CCDC171: variants seen among roughly 807,000 people sequenced by gnomAD.
The protein encoded by CCDC171 is coiled-coil domain containing 171, also known as coiled-coil domain-containing protein 171.
Under a neutral mutation model 168.2 loss-of-function variants are expected in CCDC171, and 177 were observed. That is an observed-to-expected ratio of 1.05 (90% CI 0.93 to 1.19). The LOEUF (loss-of-function observed/expected upper bound fraction) is 1.19. Ranked by LOEUF, CCDC171 falls within the 50% of genes most tolerant of loss-of-function variation. The pLI is 0.00. For synonymous variants in CCDC171, 687 were observed against 540.8 expected (o/e 1.27, Z -3.75); for missense variants, 1,991 against 1,539.0 (o/e 1.29, Z -4.91).
At chr9:15,999,338 G>A (rs1219964197) in intron 3 of CCDC171, among the ~76,000 whole-genome samples, 1 of 145,790 alleles carries the variant, frequency 6.9e-6, no homozygotes, top group Non-Finnish European at 1.5e-5. Flanking sequence ...AAGGAGGGAG[G>A]AAGGAAGGAA....
chr9:15,916,666 C>G (rs1369369167), intron 24 of CCDC171, among the ~76,000 whole-genome samples: 1 of 151,922 alleles, frequency 6.6e-6, no homozygotes, highest in African/African-American at 2.4e-5. Context: ...TATAAATGGT[C>G]TTCTAGTCTT....
At chr9:15,584,038 C>T (rs2041357867) in intron 4 of CCDC171, among the ~76,000 whole-genome samples, 1 of 151,788 alleles carries the variant, frequency 6.6e-6, no homozygotes, top group Non-Finnish European at 1.5e-5. Flanking sequence ...GGCTAATTTT[C>T]TTGTATTTTT....
the CCDC171 span, among the ~76,000 whole-genome samples, chr9:16,102,062 G>T: frequency 1.3e-5 from 2 of 152,202 alleles, no homozygotes; most frequent in African/African-American, 4.8e-5. Flanking sequence ...ATTAAATCTG[G>T]CAGCCCTCCC....
At chr9:15,602,092 G>C (rs2042901113) in intron 6 of CCDC171, among the ~76,000 whole-genome samples, 1 of 152,082 alleles carries the variant, frequency 6.6e-6, no homozygotes, top group South Asian at 2.1e-4. Context: ...GCTTTTGTAA[G>C]GTAAATTTTA....
At chr9:15,960,885 A>G (rs1830268906) in intron 25 of CCDC171, among the ~76,000 whole-genome samples, 1 of 152,142 alleles carries the variant, frequency 6.6e-6, no homozygotes, top group Non-Finnish European at 1.5e-5. Flanking sequence ...TATAGAGCTT[A>G]TACCATGGTC....
At chr9:15,832,428 G>A (rs1336419214) in intron 21 of CCDC171, among the ~76,000 whole-genome samples, 1 of 152,134 alleles carries the variant, frequency 6.6e-6, no homozygotes, top group African/African-American at 2.4e-5. Context: ...GACCTACATA[G>A]TATACCCTTC....
intron 3 of CCDC171, among the ~76,000 whole-genome samples, chr9:15,980,625 C>G (rs1431202581): frequency 6.6e-6 from 1 of 152,122 alleles, no homozygotes; most frequent in East Asian, 1.9e-4. Context: ...GTTCTTCAAC[C>G]CTTTCAAGCT....
chr9:15,852,228 T>A (rs1290306461), intron 23 of CCDC171, among the ~76,000 whole-genome samples: 1 of 151,842 alleles, frequency 6.6e-6, no homozygotes, highest in African/African-American at 2.4e-5. Context: ...TTTTTCCACA[T>A]CCTTGCTCAC....
At chr9:15,633,285 C>G (rs2045904586) in intron 7 of CCDC171, among the ~76,000 whole-genome samples, 1 of 152,022 alleles carries the variant, frequency 6.6e-6, no homozygotes, top group Non-Finnish European at 1.5e-5. Context: ...TGACAAAGGG[C>G]TAATATCCAG....
chr9:15,942,132 C>T (rs1448716584), intron 25 of CCDC171, among the ~76,000 whole-genome samples: 2 of 151,872 alleles, frequency 1.3e-5, no homozygotes, highest in East Asian at 3.9e-4. Flanking sequence ...TATCATATTA[C>T]AATTGATTTT....
chr9:15,805,876 A>G (rs572451974), intron 21 of CCDC171, among the ~76,000 whole-genome samples: 16 of 152,034 alleles, frequency 1.1e-4, no homozygotes, highest in African/African-American at 2.9e-4. Flanking sequence ...ATTGTGTATT[A>G]TTGTCTGGGA....
rs140963732 is a variant in CCDC171 at position 15,954,745 on chromosome 9, C to T, written c.3754-16864C>T. Among the ~76,000 whole-genome samples, 280 of 151,788 alleles carry T rather than the reference C, an allele frequency of 1.8e-3. 1 individual carries two copies. Among genetic ancestry groups the T allele is most frequent in the Non-Finnish European group, 3.4e-3 (234 of 67,934 alleles). On this transcript the variant is annotated intron_variant, in intron 25 of 25. Transcript: ENST00000380701. ...TCATTTCAGTCATTTTAATTTTCAG[C>T]TCCAGAATTTCTTTTTTTGTTGTTG...
At chr9:15,600,446 C>T (rs1037137709) in intron 6 of CCDC171, among the ~76,000 whole-genome samples, 1 of 152,196 alleles carries the variant, frequency 6.6e-6, no homozygotes, top group African/African-American at 2.4e-5. Context: ...GGCTGCAGAA[C>T]AGCAGATATT....
chr9:16,105,146 C>A, the CCDC171 span, among the ~76,000 whole-genome samples: 1 of 152,192 alleles, frequency 6.6e-6, no homozygotes, highest in African/African-American at 2.4e-5. Context: ...AAATGCAACA[C>A]ATCCTATGAG....
In CCDC171 at chr9:15,662,281, C is replaced by T. The variant is rs867622133; in HGVS notation, c.916-3882C>T. Reference sequence around the variant, plus strand: ...GACAGAGTGAGACTCTGTCCCCATCCCCCCTCCCCCCCAAAAAAGAATAAA... The same window carrying T: ...GACAGAGTGAGACTCTGTCCCCATCTCCCCTCCCCCCCAAAAAAGAATAAA... On this transcript the variant is annotated intron_variant, in intron 8 of 25. Coordinates refer to ENST00000380701, the MANE Select transcript of CCDC171 (RefSeq NM_173550.4). 4.0e-5 allele frequency among the ~76,000 whole-genome samples: 6 copies of T among 151,674 alleles called. No individual in the cohort carries two copies. In the East Asian group the frequency reaches 5.8e-4, roughly 15 times the overall value.
intron 7 of CCDC171, among the ~76,000 whole-genome samples, chr9:15,642,540 C>T (rs904685960): frequency 6.6e-6 from 1 of 151,332 alleles, no homozygotes; most frequent in Admixed American, 6.6e-5. Flanking sequence ...TCCTCTAGCA[C>T]CCTCTGCTGG....
At chr9:15,704,392 C>G (rs148086864) in intron 11 of CCDC171, among the ~76,000 whole-genome samples, 1 of 152,108 alleles carries the variant, frequency 6.6e-6, no homozygotes, top group Non-Finnish European at 1.5e-5. Context: ...ATTCTGTTAT[C>G]TTGGGAAGAA....
intron 2 of CCDC171, 125 bp downstream of exon 2, chr9:15,564,254 T>C: frequency 1.5e-6 from 1 of 653,776 alleles, no homozygotes; most frequent in East Asian, 2.8e-5. Context: ...AGAAATTCTG[T>C]GGGACTGAAG....
intron 23 of CCDC171, among the ~76,000 whole-genome samples, chr9:15,859,890 A>T (rs1201988785): frequency 6.7e-6 from 1 of 149,966 alleles, no homozygotes; most frequent in Non-Finnish European, 1.5e-5. Context: ...GCTGTCTTGA[A>T]CTCCTAGCCT....
Sources: gnomAD v4.1 joint callset for allele counts (sites outside exome capture counted in the v4.1 genomes callset) on GRCh38, gnomAD v4.1.1 for gene constraint, MANE v1.5 for transcripts, NCBI Gene and HGNC (gene_info 2026-07-23, HGNC 2026-07-21) for gene names.